The following PRH1 variants were observed in gnomAD, a reference collection of about 807,000 sequenced individuals.
PRH1 encodes salivary acidic proline-rich phosphoprotein 1/2.
PRH1 carries 7 observed loss-of-function variants against 7.9 expected under a neutral mutation model. That is an observed-to-expected ratio of 0.89 (90% confidence interval 0.50 to 1.67). The LOEUF (loss-of-function observed/expected upper bound fraction) is 1.67. PRH1 is among the 40% of genes most tolerant of loss of function. The probability of loss-of-function intolerance (pLI) is 0.00; values close to 1 mark genes in which losing one functional copy is unlikely to be tolerated. For missense variants in PRH1, 109 were observed against 223.6 expected (o/e 0.49, Z 3.27); for synonymous variants, 45 against 80.8 (o/e 0.56, Z 2.38).
At chr12:11,071,620 T>C (rs1317057487) in intron 1 of PRH1, among the ~76,000 whole-genome samples, 1 of 152,194 alleles carries the variant, frequency 6.6e-6, no homozygotes, top group Non-Finnish European at 1.5e-5. Flanking sequence ...TACCCTCTAA[T>C]GGTGTTGACT....
intron 1 of PRH1, among the ~76,000 whole-genome samples, chr12:11,068,028 C>T (rs1943901061): frequency 6.7e-6 from 1 of 149,564 alleles, no homozygotes. Context: ...GCTTTTTTAA[C>T]TTTTTTTTTT....
At chr12:11,021,820 T>C in intron 1 of PRH1, 1 of 1,614,274 alleles carries the variant, frequency 6.2e-7, no homozygotes, top group Non-Finnish European at 8.5e-7. Flanking sequence ...TGTCCTAAGA[T>C]TCCAAGTTGA....
intron 1 of PRH1, among the ~76,000 whole-genome samples, chr12:11,057,982 C>T (rs1943434658): frequency 6.6e-6 from 1 of 151,340 alleles, no homozygotes; most frequent in Non-Finnish European, 1.5e-5. Flanking sequence ...GGCCCTGTGG[C>T]ACATGATTGT....
intron 2 of PRH1, chr12:10,939,224 C>T (rs1345853932): frequency 1.4e-6 from 2 of 1,424,174 alleles, no homozygotes; most frequent in East Asian, 4.6e-5. Context: ...TAAGAGCATG[C>T]CCCAATGTCT....
At chr12:10,990,521 T>A (rs778705683) in intron 1 of PRH1, among the ~76,000 whole-genome samples, 1 of 152,156 alleles carries the variant, frequency 6.6e-6, no homozygotes, top group Non-Finnish European at 1.5e-5. Flanking sequence ...CAAAATCCGA[T>A]CATTCAAATG....
At chr12:10,986,052 A>G in intron 1 of PRH1, 1 of 1,614,050 alleles carries the variant, frequency 6.2e-7, no homozygotes. Flanking sequence ...TGCAAGATAT[A>G]TGTTTCCAAC....
chr12:11,032,459 C>G (rs542537498), intron 1 of PRH1, among the ~76,000 whole-genome samples: 2 of 152,146 alleles, frequency 1.3e-5, no homozygotes, highest in African/African-American at 4.8e-5. Flanking sequence ...CTAACACTTT[C>G]GTATAACTTC....
chr12:11,060,380 T>TC (rs1417381545), intron 1 of PRH1, among the ~76,000 whole-genome samples: 5 of 151,936 alleles, frequency 3.3e-5, no homozygotes, highest in Admixed American at 6.6e-5. Context: ...CATTGATAGT[T>TC]TTTTTTTAGA....
intron 2 of PRH1, chr12:10,908,316 T>C (rs1949835348): frequency 1.4e-6 from 2 of 1,420,448 alleles, no homozygotes; most frequent in South Asian, 1.4e-5. Flanking sequence ...TTAAACTCCT[T>C]GTAGACTCCT....
intron 1 of PRH1, chr12:10,997,170 T>A (rs10845281): frequency 6.2e-7 from 1 of 1,613,876 alleles, no homozygotes; most frequent in South Asian, 1.1e-5. Flanking sequence ...GCAAGTAATA[T>A]GAGGAAGGAG....
chr12:10,949,604 C>T (rs1249439197), intron 2 of PRH1, among the ~76,000 whole-genome samples: 13 of 152,126 alleles, frequency 8.5e-5, no homozygotes, highest in Admixed American at 7.9e-4. Flanking sequence ...ACCATTGTAT[C>T]TATGCACATA....
chr12:10,938,888 T>C (rs769183561), intron 2 of PRH1: 1 of 1,613,760 alleles, frequency 6.2e-7, no homozygotes, highest in Middle Eastern at 1.6e-4. Context: ...CTTGAGAAAA[T>C]AAAAAGTACC....
intron 1 of PRH1, among the ~76,000 whole-genome samples, chr12:11,139,465 A>T (rs1057498876): frequency 2.6e-5 from 4 of 152,050 alleles, no homozygotes; most frequent in African/African-American, 7.2e-5. Flanking sequence ...TGTATTAAAA[A>T]TTTTTTTTCC....
chr12:11,049,434 A>T (rs1288258684), upstream of PRH1, among the ~76,000 whole-genome samples: 1 of 152,282 alleles, frequency 6.6e-6, no homozygotes, highest in Non-Finnish European at 1.5e-5. Flanking sequence ...TAATGGATGA[A>T]TTCAAAGCTG....
chr12:10,954,803 GTCTT>G (rs1937871550), intron 2 of PRH1, among the ~76,000 whole-genome samples: 1 of 151,934 alleles, frequency 6.6e-6, no homozygotes, highest in Non-Finnish European at 1.5e-5. Flanking sequence ...ATACAAAACT[GTCTT>G]TAACCAGCAA....
intron 2 of PRH1, among the ~76,000 whole-genome samples, chr12:10,966,858 G>A (rs1938522733): frequency 6.6e-6 from 1 of 152,196 alleles, no homozygotes; most frequent in Non-Finnish European, 1.5e-5. Context: ...GCTCACGCCT[G>A]TAATCCCAGC....
chr12:11,042,611 T>C (rs1344575092), intron 1 of PRH1, among the ~76,000 whole-genome samples: 2 of 144,138 alleles, frequency 1.4e-5, no homozygotes, highest in Non-Finnish European at 3.0e-5. Context: ...AGGGACTACT[T>C]CCAGGCTCAT....
intron 2 of PRH1, chr12:10,931,289 T>C: frequency 9.5e-7 from 1 of 1,049,526 alleles, no homozygotes; most frequent in Non-Finnish European, 1.4e-6. Flanking sequence ...AGAATCACTA[T>C]CTTCAAATTA....
At chr12:10,964,854 T>C in intron 2 of PRH1, 1 of 549,934 alleles carries the variant, frequency 1.8e-6, no homozygotes, top group Non-Finnish European at 3.4e-6. Flanking sequence ...TCACTCAATT[T>C]GATCTCCCAA....
Sources: allele counts gnomAD v4.1 joint callset (sites outside exome capture counted in the v4.1 genomes callset), GRCh38; gene constraint gnomAD v4.1.1; transcripts MANE v1.5; gene names NCBI Gene and HGNC (gene_info 2026-07-23, HGNC 2026-07-21).